Variants in ARL14EPL observed in about 807,000 individuals in gnomAD.
ARL14EPL encodes ARL14 effector protein-like.
Under a neutral mutation model 15.9 loss-of-function variants are expected in ARL14EPL, and 17 were observed. That is an observed-to-expected ratio of 1.07 (90% CI 0.73 to 1.60). The LOEUF (loss-of-function observed/expected upper bound fraction) is 1.60. Ranked by LOEUF, ARL14EPL falls within the 40% of genes most tolerant of loss-of-function variation. The probability of loss-of-function intolerance (pLI) is 0.00; values close to 1 mark genes in which losing one functional copy is unlikely to be tolerated. For missense variants in ARL14EPL, 214 were observed against 185.9 expected (o/e 1.15, Z -0.88); for synonymous variants, 78 against 63.8 (o/e 1.22, Z -1.06).
intron 1 of ARL14EPL, among the ~76,000 whole-genome samples, chr5:116,036,587 C>T (rs1749053690): frequency 6.6e-6 from 1 of 152,144 alleles, no homozygotes; most frequent in Non-Finnish European, 1.5e-5. Flanking sequence ...GCGGTCAAGT[C>T]ACTGTTTGGG....
chr5:116,051,675 G>A, intron 2 of ARL14EPL, 114 bp downstream of exon 2: 2 of 898,806 alleles, frequency 2.2e-6, no homozygotes, highest in Non-Finnish European at 3.3e-6. Flanking sequence ...CTCACAGGGA[G>A]GAGCTCTGCC....
intron 1 of ARL14EPL, among the ~76,000 whole-genome samples, chr5:116,043,013 T>G (rs1396583795): frequency 6.6e-6 from 1 of 152,064 alleles, no homozygotes; most frequent in Non-Finnish European, 1.5e-5. Context: ...TACTTGGGGA[T>G]GTACTATAGT....
chr5:116,050,816 TA>T (rs1749359477), intron 1 of ARL14EPL, among the ~76,000 whole-genome samples: 2 of 81,480 alleles, frequency 2.5e-5, no homozygotes, highest in Non-Finnish European at 2.6e-5. Context: ...CTCTCTCTCT[TA>T]CACACACACA....
intron 1 of ARL14EPL, among the ~76,000 whole-genome samples, chr5:116,048,888 A>G (rs1407260191): frequency 6.6e-6 from 1 of 152,198 alleles, no homozygotes; most frequent in African/African-American, 2.4e-5. Context: ...GAATATTAAC[A>G]GGGCTGGAAT....
At chr5:116,057,421 C>A (rs201497525) in intron 3 of ARL14EPL, among the ~76,000 whole-genome samples, 100 of 145,818 alleles carry the variant, frequency 6.9e-4, no homozygotes, top group Non-Finnish European at 6.0e-4. Flanking sequence ...AGGATTTTAC[C>A]AAAAAAAAAA....
chr5:116,052,239 T>C, intron 2 of ARL14EPL: 1 of 1,600,714 alleles, frequency 6.2e-7, no homozygotes, highest in South Asian at 1.1e-5. Context: ...TTGTTTTTCT[T>C]GGCTGACTTT....
At chr5:116,058,603 A>C in intron 3 of ARL14EPL, 122 bp from the exon 4 acceptor site, 1 of 878,818 alleles carries the variant, frequency 1.1e-6, no homozygotes, top group Non-Finnish European at 1.7e-6. Context: ...TGTTTCTGGT[A>C]ATCTCTGGAG....
chr5:116,056,379 T>G (rs1188746372), intron 3 of ARL14EPL, among the ~76,000 whole-genome samples: 1 of 152,250 alleles, frequency 6.6e-6, no homozygotes. Flanking sequence ...GGTTTTGATT[T>G]GCATTTCTCT....
intron 1 of ARL14EPL, among the ~76,000 whole-genome samples, chr5:116,044,363 T>C (rs1414501248): frequency 6.6e-6 from 1 of 152,092 alleles, no homozygotes; most frequent in Non-Finnish European, 1.5e-5. Flanking sequence ...GGGTGGTAAT[T>C]TAGAGATTAG....
intron 3 of ARL14EPL, 55 bp downstream of exon 3, chr5:116,054,208 T>A (rs1580417509): frequency 6.9e-7 from 1 of 1,450,396 alleles, no homozygotes; most frequent in African/African-American, 1.4e-5. Context: ...GCATGAATTC[T>A]CCTTGACAAA....
At chr5:116,036,611 T>A (rs760281662) in intron 1 of ARL14EPL, among the ~76,000 whole-genome samples, 7 of 152,314 alleles carry the variant, frequency 4.6e-5, no homozygotes, top group Non-Finnish European at 1.0e-4. Flanking sequence ...CTACTTGCAT[T>A]GAAAAATTAT....
intron 3 of ARL14EPL, among the ~76,000 whole-genome samples, chr5:116,057,254 G>C (rs572809904): frequency 1.3e-5 from 2 of 152,168 alleles, no homozygotes; most frequent in African/African-American, 4.8e-5. Context: ...CTTTTTGAGG[G>C]GAGGGTAGAG....
At chr5:116,047,597 G>T (rs146216635) in intron 1 of ARL14EPL, among the ~76,000 whole-genome samples, 59 of 152,324 alleles carry the variant, frequency 3.9e-4, no homozygotes, top group Non-Finnish European at 6.8e-4. Context: ...AATGCTAAAA[G>T]GCCGAGTGGG....
At chr5:116,048,277 C>T (rs1749310572) in intron 1 of ARL14EPL, among the ~76,000 whole-genome samples, 1 of 152,114 alleles carries the variant, frequency 6.6e-6, no homozygotes, top group African/African-American at 2.4e-5. Context: ...GCTTAGCATA[C>T]ATATGGCTTC....
In ARL14EPL at chr5:116,051,489, CA is replaced by C. The variant is rs1397050237; in HGVS notation, c.26del (p.Asn9IlefsTer27). 1 of 1,535,144 alleles carries C rather than the reference CA, an allele frequency of 6.5e-7. No individual in the cohort carries two copies. The highest frequency in any genetic ancestry group is 1.2e-5 in the South Asian group (1 of 83,966). On this transcript the variant is annotated frameshift_variant, in exon 2 of 4. Transcript: ENST00000686077. LOFTEE classifies it high-confidence loss of function. MNEQSEKN[N>X]SIQERHTDHS... is the part of the protein sequence containing the mutation. ...AGATGAATGAACAATCAGAGAAAAA[CA>C]ATTCCATTCAAGAGAGACACACAGA...
At chr5:116,043,013 T>A (rs1396583795) in intron 1 of ARL14EPL, among the ~76,000 whole-genome samples, 22 of 152,064 alleles carry the variant, frequency 1.4e-4, no homozygotes, top group Admixed American at 1.4e-3. Flanking sequence ...TACTTGGGGA[T>A]GTACTATAGT....
chr5:116,045,617 G>A (rs760228692), intron 1 of ARL14EPL, among the ~76,000 whole-genome samples: 4 of 152,164 alleles, frequency 2.6e-5, no homozygotes. Flanking sequence ...AGCATTCGTG[G>A]CATTAGCAAT....
chr5:116,051,221 A>C (rs1749369880), intron 1 of ARL14EPL: 1 of 448,878 alleles, frequency 2.2e-6, no homozygotes. Flanking sequence ...AAGGACTGTC[A>C]AAGGTACTAT....
At chr5:116,041,306 T>C (rs1040756544) in intron 1 of ARL14EPL, among the ~76,000 whole-genome samples, 7 of 152,198 alleles carry the variant, frequency 4.6e-5, no homozygotes, top group Non-Finnish European at 4.4e-5. Flanking sequence ...CACTGCTTTA[T>C]TATTATTTTT....
Sources: allele counts gnomAD v4.1 joint callset (sites outside exome capture counted in the v4.1 genomes callset), GRCh38; gene constraint gnomAD v4.1.1; transcripts MANE v1.5; gene names NCBI Gene and HGNC (gene_info 2026-07-23, HGNC 2026-07-21).